Variants in KCNE1 observed in about 807,000 individuals in gnomAD.
KCNE1 encodes the protein potassium voltage-gated channel subfamily E member 1.
A neutral mutation model predicts 2.9 loss-of-function variants in KCNE1; 1 was observed. The observed-to-expected ratio is 0.34, with a 90% confidence interval of 0.12 to 1.62. KCNE1 has a LOEUF of 1.62. KCNE1 is among the 40% of genes most tolerant of loss of function. The pLI, the probability that KCNE1 is intolerant of heterozygous loss-of-function variation, is 0.36. For synonymous variants in KCNE1, 23 were observed against 65.4 expected (o/e 0.35, Z 3.13); for missense variants, 45 against 150.5 (o/e 0.30, Z 3.67).
chr21:34,503,263 T>C lies in KCNE1; in HGVS notation c.-162+7838A>G, dbSNP rs569463060. Reference sequence around the variant, plus strand: ...AATTCAGGGAAACACTTTGCTTATGTTTATCCCTTATGATAAGGGACATTA... The same window carrying C: ...AATTCAGGGAAACACTTTGCTTATGCTTATCCCTTATGATAAGGGACATTA... On this transcript the variant is annotated intron_variant, in intron 2 of 3. Coordinates refer to ENST00000399286, the MANE Select transcript of KCNE1 (RefSeq NM_000219.6). 3.9e-5 allele frequency among the ~76,000 whole-genome samples: 6 copies of C among 152,304 alleles called. No homozygotes were observed. In the South Asian group the frequency reaches 1.2e-3, roughly 32 times the overall value.
At chr21:34,496,324 T>C (rs4817668) in intron 2 of KCNE1, among the ~76,000 whole-genome samples, 89,996 of 151,986 alleles carry the variant, frequency 0.59, 27,161 homozygotes, top group East Asian at 0.86. Flanking sequence ...CCACCCGCCT[T>C]GGCCTCCCAA....
At chr21:34,502,221 A>G (rs1983211005) in intron 2 of KCNE1, among the ~76,000 whole-genome samples, 1 of 151,822 alleles carries the variant, frequency 6.6e-6, no homozygotes, top group South Asian at 2.1e-4. Context: ...AGGGTAGTCT[A>G]CTCCTTCCTT....
chr21:34,501,706 C>A (rs992621797), intron 2 of KCNE1, among the ~76,000 whole-genome samples: 9 of 152,158 alleles, frequency 5.9e-5, no homozygotes, highest in Non-Finnish European at 1.2e-4. Context: ...ATAGACAAAA[C>A]AAAGCTCTAA....
intron 2 of KCNE1, among the ~76,000 whole-genome samples, chr21:34,495,706 G>T: frequency 6.6e-6 from 1 of 151,560 alleles, no homozygotes; most frequent in Non-Finnish European, 1.5e-5. Flanking sequence ...TTGTATTTCT[G>T]TGGTGTCAGT....
chr21:34,503,405 G>A (rs1748270598), intron 2 of KCNE1, among the ~76,000 whole-genome samples: 2 of 152,182 alleles, frequency 1.3e-5, no homozygotes, highest in Admixed American at 1.3e-4. Context: ...CACATGTTCA[G>A]CTGTCCAGAG....
intron 2 of KCNE1, among the ~76,000 whole-genome samples, chr21:34,505,985 A>C (rs1236831937): frequency 6.6e-6 from 1 of 152,258 alleles, no homozygotes; most frequent in African/African-American, 2.4e-5. Context: ...GTATTTTTAA[A>C]ATAGAACATT....
intron 2 of KCNE1, among the ~76,000 whole-genome samples, chr21:34,507,118 G>A (rs540254331): frequency 4.2e-4 from 64 of 152,318 alleles, no homozygotes; most frequent in Non-Finnish European, 7.8e-4. Flanking sequence ...AAGACTTGAT[G>A]CTTTCAAAAG....
chr21:34,499,343 G>A (rs762944135), intron 2 of KCNE1, among the ~76,000 whole-genome samples: 14 of 152,168 alleles, frequency 9.2e-5, no homozygotes, highest in Admixed American at 2.6e-4. Flanking sequence ...CACAGCTTTC[G>A]GGCCTTGCCC....
chr21:34,508,071 C>G (rs565057391), intron 2 of KCNE1, among the ~76,000 whole-genome samples: 5 of 151,866 alleles, frequency 3.3e-5, no homozygotes, highest in East Asian at 1.9e-4. Context: ...CTGTGGTCCA[C>G]GCTGGAGTGC....
Position 34,512,105 on chromosome 21 carries a change from G to C in KCNE1, c.-455C>G, listed in dbSNP as rs1226150616. ...GTCGAGAGGAGTAGGAAGGTGCCCA[G>C]CGGCTCAGCCTTTAAGGAGGTCTAT... On this transcript the variant is annotated 5_prime_UTR_variant, in exon 1 of 4. Coordinates refer to ENST00000399286, the MANE Select transcript of KCNE1 (RefSeq NM_000219.6). The C allele has an allele frequency of 6.6e-6, 1 of 152,342 alleles. No homozygotes were observed. The highest frequency in any genetic ancestry group is 1.9e-4 in the East Asian group (1 of 5,202). 9.4% of individuals were successfully genotyped at this position (152,342 alleles called of 1,614,324 possible). A position where few individuals can be genotyped will look rare whatever the true frequency, so the allele number is the denominator to read the frequency against.
At chr21:34,501,838 A>T (rs1983188264) in intron 2 of KCNE1, among the ~76,000 whole-genome samples, 1 of 152,328 alleles carries the variant, frequency 6.6e-6, no homozygotes, top group South Asian at 2.1e-4. Flanking sequence ...GGACTTCTGC[A>T]GGTTAAAGAA....
chr21:34,502,043 T>C (rs1050307069), intron 2 of KCNE1, among the ~76,000 whole-genome samples: 6 of 152,152 alleles, frequency 3.9e-5, no homozygotes, highest in African/African-American at 7.2e-5. Flanking sequence ...GTCATGGGTA[T>C]TGGGGACAGA....
chr21:34,499,146 G>A (rs769760210), intron 2 of KCNE1, among the ~76,000 whole-genome samples: 3 of 152,182 alleles, frequency 2.0e-5, no homozygotes, highest in African/African-American at 7.2e-5. Flanking sequence ...GGCTGCGTCT[G>A]TTGCATTATA....
intron 2 of KCNE1, among the ~76,000 whole-genome samples, chr21:34,498,963 A>T (rs1486961109): frequency 6.6e-6 from 1 of 152,102 alleles, no homozygotes; most frequent in Non-Finnish European, 1.5e-5. Context: ...GCTCCCCAAA[A>T]TTTATGTCTT....
chr21:34,503,018 C>G (rs1206041377), intron 2 of KCNE1, among the ~76,000 whole-genome samples: 1 of 152,204 alleles, frequency 6.6e-6, no homozygotes, highest in Admixed American at 6.5e-5. Flanking sequence ...CAGCACACAC[C>G]AATGAGGTGT....
At chr21:34,498,086 T>C (rs937832980) in intron 2 of KCNE1, among the ~76,000 whole-genome samples, 1 of 152,168 alleles carries the variant, frequency 6.6e-6, no homozygotes, top group African/African-American at 2.4e-5. Context: ...TTCATCCATA[T>C]CCTGTATTGT....
At chr21:34,498,685 T>C (rs750122914) in intron 2 of KCNE1, among the ~76,000 whole-genome samples, 2 of 152,252 alleles carry the variant, frequency 1.3e-5, no homozygotes, top group Admixed American at 6.5e-5. Flanking sequence ...GCTTGTTATG[T>C]TAACAGTGAA....
intron 2 of KCNE1, 44 bp downstream of exon 2, chr21:34,511,057 G>T: frequency 1.3e-6 from 1 of 761,866 alleles, no homozygotes; most frequent in Non-Finnish European, 1.6e-6. Context: ...GGGAGCAGAG[G>T]GTGCCTAACT....
At chr21:34,500,500 A>G (rs1381313195) in intron 2 of KCNE1, among the ~76,000 whole-genome samples, 1 of 152,052 alleles carries the variant, frequency 6.6e-6, no homozygotes, top group Admixed American at 6.6e-5. Flanking sequence ...TTTTTATTTC[A>G]TTTATGTTTT....
Sources: allele counts gnomAD v4.1 joint callset (sites outside exome capture counted in the v4.1 genomes callset), GRCh38; gene constraint gnomAD v4.1.1; transcripts MANE v1.5; gene names NCBI Gene and HGNC (gene_info 2026-07-23, HGNC 2026-07-21).